The following CLEC3A variants were observed in gnomAD, a reference collection of about 807,000 sequenced individuals.
CLEC3A encodes C-type lectin domain family 3 member A.
In CLEC3A, 28 loss-of-function variants were observed where a neutral mutation model predicts 20.4. The observed-to-expected ratio is 1.37, with a 90% CI of 1.02 to 1.88. The LOEUF is 1.88. Among genes scored for constraint, CLEC3A ranks in the 40% most tolerant of loss-of-function variants. The pLI is 0.00. For synonymous variants in CLEC3A, 110 were observed against 88.1 expected (o/e 1.25, Z -1.39); for missense variants, 357 against 240.4 (o/e 1.48, Z -3.21).
chr16:78,030,678 T>G lies in CLEC3A; in HGVS notation c.431T>G (p.Val144Gly), dbSNP rs764219322. ...DMVTEGKFVD[V>G]NGIAISFLNW... The stretch of plus-strand genomic sequence containing the variant: ...GTCACGGAAGGCAAGTTTGTTGACG[T>G]CAACGGAATCGCTATCTCCTTCCTC... Residue 144 changes from valine to glycine, a missense_variant, in exon 3 of 3, where the codon GTC becomes GGC. By Grantham distance (109) the Val-to-Gly change is moderately radical (BLOSUM62 -3). Coordinates refer to ENST00000299642, the MANE Select transcript of CLEC3A (RefSeq NM_005752.6). The G allele has an allele frequency of 3.1e-6, 5 of 1,614,118 alleles. No homozygotes were observed. The South Asian group carries it at 5.5e-5, about 18-fold the overall frequency.
intron 1 of CLEC3A, among the ~76,000 whole-genome samples, chr16:78,024,801 T>G (rs1224181076): frequency 2.6e-5 from 4 of 152,282 alleles, no homozygotes; most frequent in African/African-American, 9.6e-5. Context: ...GTAATACTAT[T>G]CCCAGAAGTT....
In CLEC3A at chr16:78,030,602, A is replaced by G. The variant is rs1255700366; in HGVS notation, c.355A>G (p.Lys119Glu). ...DEINALQDYG[K>E]RSLPGVNDFW... is the part of the protein sequence containing the mutation. The stretch of plus-strand genomic sequence containing the variant: ...AATCAACGCCCTCCAAGACTATGGT[A>G]AAAGGAGCCTGCCAGGTGTCAATGA... Residue 119 changes from lysine (K) to glutamate (E), a missense_variant, in exon 3 of 3, where the codon AAA becomes GAA. Physicochemically the swap from Lys to Glu is moderately conservative, Grantham distance 56. Coordinates refer to ENST00000299642, the MANE Select transcript of CLEC3A (RefSeq NM_005752.6). 1.2e-6 allele frequency: 2 copies of G among 1,614,126 alleles called. No individual in the cohort carries two copies. Among genetic ancestry groups the G allele is most frequent in the South Asian group, 2.2e-5 (2 of 91,072 alleles).
Position 78,029,205 on chromosome 16 carries a change from C to G in CLEC3A, c.199+1015C>G, listed in dbSNP as rs1296411268. 12 of 448,528 alleles carry G rather than the reference C, an allele frequency of 2.7e-5. No homozygotes were observed. The Admixed American group carries it at 2.9e-4, about 11-fold the overall frequency. 27.8% of individuals were successfully genotyped at this position (448,528 alleles called of 1,614,324 possible). Reference sequence around the variant, plus strand: ...TTAAATGTCAGAGATGAGACCTAAACCCAGGCACTATGGGCTCTGAGGCCT... The same window carrying G: ...TTAAATGTCAGAGATGAGACCTAAAGCCAGGCACTATGGGCTCTGAGGCCT... On this transcript the variant is annotated intron_variant, in intron 2 of 2. Coordinates refer to ENST00000299642, the MANE Select transcript of CLEC3A (RefSeq NM_005752.6).
intron 1 of CLEC3A, among the ~76,000 whole-genome samples, chr16:78,023,027 T>C (rs2018769575): frequency 6.6e-6 from 1 of 152,246 alleles, no homozygotes; most frequent in African/African-American, 2.4e-5. Context: ...AAATAGAATG[T>C]GCTTCAGAGG....
intron 2 of CLEC3A, chr16:78,029,152 G>C (rs1222395738): frequency 4.4e-6 from 2 of 455,754 alleles, no homozygotes; most frequent in Non-Finnish European, 4.4e-6. Flanking sequence ...AAGAAGGTAA[G>C]TAATTTGTTC....
Position 78,031,454 on chromosome 16 carries a change from C to T in CLEC3A, c.*613C>T, listed in dbSNP as rs534818923. 34 of 151,992 alleles carry T rather than the reference C, an allele frequency of 2.2e-4. 1 individual carries two copies. The highest frequency in any genetic ancestry group is 7.7e-4 in the African/African-American group (32 of 41,448). 9.4% of individuals were successfully genotyped at this position (151,992 alleles called of 1,614,324 possible). A position where few individuals can be genotyped will look rare whatever the true frequency, so the allele number is the denominator to read the frequency against. ...TTTGATTTTTTTTTTTTCTTCATGC[C>T]TACCCTTTTTTTGGAAGTTTCCAGC... On this transcript the variant is annotated 3_prime_UTR_variant, in exon 3 of 3. Coordinates refer to ENST00000299642, the MANE Select transcript of CLEC3A (RefSeq NM_005752.6).
intron 1 of CLEC3A, among the ~76,000 whole-genome samples, chr16:78,023,062 C>T (rs918903252): frequency 1.3e-5 from 2 of 152,152 alleles, no homozygotes; most frequent in South Asian, 4.1e-4. Flanking sequence ...TTCTGAAAAT[C>T]TGGTGTTATT....
At chr16:78,029,814 T>C (rs1037911588) in intron 2 of CLEC3A, among the ~76,000 whole-genome samples, 1 of 152,112 alleles carries the variant, frequency 6.6e-6, no homozygotes, top group Non-Finnish European at 1.5e-5. Context: ...AGGGCAGACC[T>C]GCATTTGGGT....
chr16:78,025,862 G>A (rs960191625), intron 1 of CLEC3A, among the ~76,000 whole-genome samples: 3 of 152,170 alleles, frequency 2.0e-5, no homozygotes, highest in Non-Finnish European at 2.9e-5. Context: ...TCTCCCAGGA[G>A]CCTAATATCA....
chr16:78,027,993 G>T, intron 1 of CLEC3A, 114 bp from the exon 2 acceptor site: 1 of 762,128 alleles, frequency 1.3e-6, no homozygotes. Context: ...TATACACTGG[G>T]CTCAGGTTCA....
chr16:78,030,475 G>C lies in CLEC3A; in HGVS notation c.228G>C (p.Lys76Asn), dbSNP rs759449315. 4.3e-6 allele frequency: 7 copies of C among 1,609,666 alleles called. No homozygotes were observed. The highest frequency in any genetic ancestry group is 5.9e-6 in the Non-Finnish European group (7 of 1,177,380). Residue 76 changes from lysine to asparagine, a missense_variant, in exon 3 of 3, where the codon AAG becomes AAC. Lys to Asn is a moderately conservative substitution (Grantham distance 94). Transcript: ENST00000299642. The part of the protein sequence containing the change: ...TVCLRGTKVH[K>N]KCYLASEGLK... Reference sequence around the variant, plus strand: ...GTCTCCGAGGCACTAAAGTTCACAAGAAATGCTACCTTGCTTCAGAAGGTT... The same window carrying C: ...GTCTCCGAGGCACTAAAGTTCACAACAAATGCTACCTTGCTTCAGAAGGTT...
At chr16:78,029,650 G>T (rs964979244) in intron 2 of CLEC3A, among the ~76,000 whole-genome samples, 1 of 151,850 alleles carries the variant, frequency 6.6e-6, no homozygotes, top group Non-Finnish European at 1.5e-5. Context: ...TTATAAGTGT[G>T]AGCCACCACG....
chr16:78,030,379 C>G, intron 2 of CLEC3A, 68 bp from the exon 3 acceptor site: 3 of 1,371,790 alleles, frequency 2.2e-6, no homozygotes, highest in Non-Finnish European at 1.0e-6. Context: ...TTGCTATTTG[C>G]CAGGTCCAGC....
Position 78,030,622 on chromosome 16 carries a change from C to A in CLEC3A, c.375C>A (p.Val125=), listed in dbSNP as rs1392931169. The change falls in exon 3 of 3, where the codon GTC becomes GTA. Residue 125 remains valine, a synonymous_variant. Transcript: ENST00000299642. ...ATGGTAAAAGGAGCCTGCCAGGTGT[C>A]AATGACTTTTGGCTGGGCATCAATG... is the stretch of plus-strand genomic sequence containing the variant. ...QDYGKRSLPG[V]NDFWLGINDM... 7.4e-6 allele frequency: 12 copies of A among 1,613,998 alleles called. No individual in the cohort carries two copies. The highest frequency in any genetic ancestry group is 1.0e-5 in the Non-Finnish European group (12 of 1,180,012).
intron 1 of CLEC3A, among the ~76,000 whole-genome samples, chr16:78,025,713 T>A (rs907881822): frequency 4.6e-5 from 7 of 152,240 alleles, no homozygotes; most frequent in Non-Finnish European, 7.3e-5. Flanking sequence ...ATGTGTTGCA[T>A]TCATGAATAA....
chr16:78,027,988 A>T (rs2029974846), intron 1 of CLEC3A, 119 bp from the exon 2 acceptor site: 1 of 746,832 alleles, frequency 1.3e-6, no homozygotes, highest in African/African-American at 1.8e-5. Flanking sequence ...TTTTGTATAC[A>T]CTGGGCTCAG....
At chr16:78,030,322 T>C in intron 2 of CLEC3A, 125 bp from the exon 3 acceptor site, 1 of 867,890 alleles carries the variant, frequency 1.2e-6, no homozygotes, top group Non-Finnish European at 1.8e-6. Context: ...CATAGAAAAT[T>C]TTAACTGTTG....
At chr16:78,023,302 G>T (rs571054674) in intron 1 of CLEC3A, among the ~76,000 whole-genome samples, 1 of 152,098 alleles carries the variant, frequency 6.6e-6, no homozygotes, top group Admixed American at 6.6e-5. Flanking sequence ...ACTTTTTCAT[G>T]TCAGAGACAT....
At chr16:78,025,792 A>G (rs73574723) in intron 1 of CLEC3A, among the ~76,000 whole-genome samples, 2,332 of 152,300 alleles carry the variant, frequency 0.015, 58 homozygotes, top group African/African-American at 0.053. Flanking sequence ...AAAGACATCT[A>G]TATCAGCTAC....
Sources: gnomAD v4.1 joint callset for allele counts (sites outside exome capture counted in the v4.1 genomes callset) on GRCh38, gnomAD v4.1.1 for gene constraint, MANE v1.5 for transcripts, NCBI Gene and HGNC (gene_info 2026-07-23, HGNC 2026-07-21) for gene names.